The following UGCG variants were observed in gnomAD, a reference collection of about 807,000 sequenced individuals.
UGCG encodes the protein ceramide glucosyltransferase.
Under a neutral mutation model 49.5 loss-of-function variants are expected in UGCG, and 10 were observed. That is an observed-to-expected ratio of 0.20 (90% CI 0.12 to 0.34). The LOEUF (loss-of-function observed/expected upper bound fraction) is 0.34. Among genes scored for constraint, UGCG ranks in the 10% least tolerant of loss-of-function variants. The probability of loss-of-function intolerance (pLI) is 1.00; values close to 1 mark genes in which losing one functional copy is unlikely to be tolerated. For synonymous variants in UGCG, 182 were observed against 158.2 expected (o/e 1.15, Z -1.13); for missense variants, 312 against 483.7 (o/e 0.65, Z 3.33).
chr9:111,929,692 A>G lies in UGCG; in HGVS notation c.737+14A>G, dbSNP rs1838386177. On this transcript the variant is annotated intron_variant, in intron 6 of 8. Transcript: ENST00000374279. ...GATAGCTGACCGGTAAGACAACTAA[A>G]TGAAGCCATAGTATTTTTATTACCT... is the stretch of plus-strand genomic sequence containing the variant. 1 of 1,611,706 alleles carries G rather than the reference A, an allele frequency of 6.2e-7. No individual in the cohort carries two copies. Among genetic ancestry groups the G allele is most frequent in the South Asian group, 1.1e-5 (1 of 90,260 alleles).
intron 2 of UGCG, among the ~76,000 whole-genome samples, chr9:111,922,010 G>A (rs115730638): frequency 0.025 from 3,726 of 151,266 alleles, 83 homozygotes; most frequent in South Asian, 0.049. Flanking sequence ...ACAGGGCCTC[G>A]CCTTTTTGCC....
chr9:111,897,389 C>G (rs879109908), intron 1 of UGCG, 76 bp downstream of exon 1: 1 of 1,236,574 alleles, frequency 8.1e-7, no homozygotes, highest in Non-Finnish European at 1.1e-6. Flanking sequence ...GAAACGTTTG[C>G]GCTTTGAAGG....
chr9:111,899,738 A>AT (rs1449052757), intron 1 of UGCG, among the ~76,000 whole-genome samples: 6 of 151,206 alleles, frequency 4.0e-5, no homozygotes, highest in Non-Finnish European at 8.9e-5. Context: ...TTTTTTCTTA[A>AT]TTTTTTCACA....
intron 2 of UGCG, among the ~76,000 whole-genome samples, chr9:111,920,438 T>C (rs1391777790): frequency 6.6e-6 from 1 of 152,146 alleles, no homozygotes; most frequent in Non-Finnish European, 1.5e-5. Context: ...CTCGGCTCAC[T>C]GCGACCTCCC....
intron 2 of UGCG, 80 bp downstream of exon 2, chr9:111,914,826 C>G: frequency 1.9e-6 from 3 of 1,552,750 alleles, no homozygotes; most frequent in South Asian, 1.2e-5. Context: ...GATTTTAACA[C>G]TGTATAAGGT....
intron 2 of UGCG, among the ~76,000 whole-genome samples, chr9:111,917,104 A>G (rs1838126233): frequency 6.6e-6 from 1 of 152,198 alleles, no homozygotes; most frequent in African/African-American, 2.4e-5. Flanking sequence ...TATATCATTT[A>G]AGTGGGTTGA....
In UGCG at chr9:111,924,783, A is replaced by G. The variant is rs753822208; in HGVS notation, c.350A>G (p.Lys117Arg). 16 of 1,524,004 alleles carry G rather than the reference A, an allele frequency of 1.0e-5. No homozygotes were observed. Among genetic ancestry groups the G allele is most frequent in the African/African-American group, 1.4e-5 (1 of 70,116 alleles). 94.4% of individuals were successfully genotyped at this position (1,524,004 alleles called of 1,614,324 possible). A position where few individuals can be genotyped will look rare whatever the true frequency, so the allele number is the denominator to read the frequency against. ...NVDARLFIGGKKVGINPKINN... is the reference protein window; with the variant it reads ...NVDARLFIGGRKVGINPKINN... ...TGTACCTTTACATTTTTAGGTGGCA[A>G]AAAAGTTGGCATTAATCCTAAAATT... Residue 117 changes from lysine (K) to arginine (R), a missense_variant, in exon 4 of 9, where the codon AAA (lysine) becomes AGA (arginine). This residue lies in a region of UGCG where 64 missense variants were observed against 67.6 expected (regional missense o/e 0.95). Transcript: ENST00000374279.
chr9:111,907,241 C>T (rs1259596411), intron 1 of UGCG, among the ~76,000 whole-genome samples: 2 of 152,220 alleles, frequency 1.3e-5, no homozygotes, highest in Non-Finnish European at 2.9e-5. Context: ...GCCTGTATCA[C>T]ACTGCATTTG....
In UGCG at chr9:111,933,218, T is replaced by A; in HGVS notation, c.*221T>A. ...CACTTTATTTTGTGGAAGTAGAGAA[T>A]CAAGAGAATTGGTTCTAGGAACCTG... On this transcript the variant is annotated 3_prime_UTR_variant, in exon 9 of 9. Coordinates refer to ENST00000374279, the MANE Select transcript of UGCG (RefSeq NM_003358.3). 1 of 315,448 alleles carries A rather than the reference T, an allele frequency of 3.2e-6. No individual in the cohort carries two copies. Among genetic ancestry groups the A allele is most frequent in the African/African-American group, 2.2e-5 (1 of 46,390 alleles). The allele number at this position is 315,448 out of a possible 1,614,324, so 19.5% of individuals were successfully genotyped here. A position where few individuals can be genotyped will look rare whatever the true frequency, so the allele number is the denominator to read the frequency against.
At chr9:111,924,459 A>T (rs1265903648) in intron 3 of UGCG, among the ~76,000 whole-genome samples, 2 of 152,138 alleles carry the variant, frequency 1.3e-5, no homozygotes, top group East Asian at 3.8e-4. Context: ...AGTATACCAT[A>T]CATTGTTGTT....
chr9:111,926,822 A>T (rs375204510), intron 5 of UGCG, among the ~76,000 whole-genome samples: 1 of 142,174 alleles, frequency 7.0e-6, no homozygotes, highest in African/African-American at 2.6e-5. Context: ...TCTTTCAAAC[A>T]TTCGATCTGA....
chr9:111,905,008 C>G (rs1837853704), intron 1 of UGCG, among the ~76,000 whole-genome samples: 1 of 152,080 alleles, frequency 6.6e-6, no homozygotes, highest in African/African-American at 2.4e-5. Context: ...ATGCAGTGAG[C>G]TATGATTGCC....
chr9:111,904,181 T>C (rs941162638), intron 1 of UGCG, among the ~76,000 whole-genome samples: 1 of 152,234 alleles, frequency 6.6e-6, no homozygotes, highest in African/African-American at 2.4e-5. Context: ...CTTCATTATC[T>C]TGCCTCTTGC....
intron 1 of UGCG, among the ~76,000 whole-genome samples, chr9:111,897,945 C>T (rs186877295): frequency 1.9e-4 from 29 of 149,056 alleles, no homozygotes; most frequent in African/African-American, 7.0e-4. Context: ...GTACTCTCCC[C>T]GTGCCGGCCA....
intron 1 of UGCG, among the ~76,000 whole-genome samples, chr9:111,902,875 T>G (rs1837804900): frequency 6.6e-6 from 1 of 152,070 alleles, no homozygotes; most frequent in South Asian, 2.1e-4. Context: ...CCTTCTGGGT[T>G]TGAGTGATTC....
intron 3 of UGCG, 67 bp from the exon 4 acceptor site, chr9:111,924,710 A>C: frequency 1.3e-6 from 1 of 743,820 alleles, no homozygotes; most frequent in Non-Finnish European, 2.1e-6. Context: ...TCTATCATGT[A>C]TCTTTATACT....
At position 111,923,413 on chromosome 9, in the gene UGCG, A is replaced by G. The variant is rs76621926; in HGVS notation, c.343+462A>G. Among the ~76,000 whole-genome samples the G allele has an allele frequency of 5.9e-3, 898 of 152,052 alleles. 11 individuals are homozygous for G. In the East Asian group the frequency reaches 0.064, roughly 11 times the overall value. ...GATGTGGTCTCTCTAAAAAACCAGT[A>G]AGTCGTATAAAATGATATCAGATCT... On this transcript the variant is annotated intron_variant, in intron 3 of 8. Coordinates refer to ENST00000374279, the MANE Select transcript of UGCG (RefSeq NM_003358.3).
chr9:111,901,815 C>T (rs930654539), intron 1 of UGCG, among the ~76,000 whole-genome samples: 4 of 152,226 alleles, frequency 2.6e-5, no homozygotes, highest in African/African-American at 7.2e-5. Context: ...TCATATCTAT[C>T]CTAGATGTTG....
In UGCG at chr9:111,932,352, G is replaced by T. The variant is rs748309991; in HGVS notation, c.1007G>T (p.Gly336Val). 1 of 1,613,842 alleles carries T rather than the reference G, an allele frequency of 6.2e-7. No individual in the cohort carries two copies. Among genetic ancestry groups the T allele is most frequent in the South Asian group, 1.1e-5 (1 of 91,070 alleles). ...ATATTTGACTACATTCAACTCAGGG[G>T]TGTCCAGGTATGTGGATAGGCATGA... ...WFIFDYIQLR[G>V]VQGGTLCFSK... The change falls in exon 8 of 9, where the codon GGT becomes GTT. Residue 336 changes from glycine (G) to valine (V), a missense_variant. Coordinates refer to ENST00000374279, the MANE Select transcript of UGCG (RefSeq NM_003358.3).
Sources: gnomAD v4.1 joint callset for allele counts (sites outside exome capture counted in the v4.1 genomes callset) on GRCh38, gnomAD v4.1.1 for gene constraint, gnomAD v4.1.1 regional missense constraint, MANE v1.5 for transcripts, NCBI Gene and HGNC (gene_info 2026-07-23, HGNC 2026-07-21) for gene names.